DHRSX: variants seen among roughly 807,000 people sequenced by gnomAD.
The protein encoded by DHRSX is polyprenol dehydrogenase.
A neutral mutation model predicts 34.0 loss-of-function variants in DHRSX; 31 were observed. That is an observed-to-expected ratio of 0.91 (90% CI 0.69 to 1.23). DHRSX has a LOEUF of 1.23. Among genes scored for constraint, DHRSX ranks in the 50% most tolerant of loss-of-function variants. DHRSX has a pLI of 0.00. For synonymous variants in DHRSX, 201 were observed against 183.8 expected, an observed-to-expected ratio of 1.09 and a Z score of -0.76; for missense variants, 414 against 428.1, an observed-to-expected ratio of 0.97 and a Z score of 0.29.
chrX:2,320,249 C>A (rs1173389751), intron 3 of DHRSX, among the ~76,000 whole-genome samples: 2 of 132,734 alleles, frequency 1.5e-5, no homozygotes, highest in African/African-American at 5.5e-5. Flanking sequence ...TGGTAGCGAT[C>A]ATATGACCCA....
intron 1 of DHRSX, among the ~76,000 whole-genome samples, chrX:2,494,174 T>G (rs2045226978): frequency 6.6e-6 from 1 of 152,048 alleles, no homozygotes; most frequent in African/African-American, 2.4e-5. Flanking sequence ...GAAGTCCCAG[T>G]GCCTGGGGCC....
At chrX:2,350,120 C>T (rs764814841) in intron 3 of DHRSX, among the ~76,000 whole-genome samples, 1 of 152,106 alleles carries the variant, frequency 6.6e-6, no homozygotes, top group East Asian at 1.9e-4. Flanking sequence ...CTGAGGCAGG[C>T]AGATCACTTG....
At chrX:2,288,962 T>C (rs1249534653) in intron 4 of DHRSX, among the ~76,000 whole-genome samples, 1 of 152,144 alleles carries the variant, frequency 6.6e-6, no homozygotes, top group African/African-American at 2.4e-5. Flanking sequence ...AACGTGGTGG[T>C]TGAGTGATGG....
chrX:2,240,037 A>G (rs2016104609), intron 6 of DHRSX, among the ~76,000 whole-genome samples: 1 of 152,032 alleles, frequency 6.6e-6, no homozygotes, highest in African/African-American at 2.4e-5. Flanking sequence ...TCACGCCTGT[A>G]ATCCCATCAC....
intron 1 of DHRSX, among the ~76,000 whole-genome samples, chrX:2,431,216 T>G (rs762397338): frequency 2.0e-5 from 3 of 149,574 alleles, no homozygotes; most frequent in East Asian, 4.0e-4. Flanking sequence ...TCCCAGCTAC[T>G]CGGAAGGCTG....
chrX:2,309,544 T>C (rs1193566000), intron 3 of DHRSX, among the ~76,000 whole-genome samples: 1 of 152,186 alleles, frequency 6.6e-6, no homozygotes. Flanking sequence ...CTAGAATAAA[T>C]GTGATAAGTG....
At chrX:2,233,677 G>A (rs1400294756) in intron 6 of DHRSX, among the ~76,000 whole-genome samples, 1 of 152,070 alleles carries the variant, frequency 6.6e-6, no homozygotes, top group Admixed American at 6.6e-5. Context: ...AGCTCTTGGG[G>A]CAAAGGAAGA....
rs1556433590 is a variant in DHRSX at position 2,248,628 on chromosome X, A to AAAAAAAG, written c.597-5399_597-5398insCTTTTTT. 1.7e-3 allele frequency among the ~76,000 whole-genome samples: 179 copies of AAAAAAAG among 104,224 alleles called. 1 individual carries two copies. Among genetic ancestry groups the AAAAAAAG allele is most frequent in the Middle Eastern group, 4.1e-3 (1 of 244 alleles). The allele number at this position is 104,224 out of a possible 152,430, so 68.4% of individuals were successfully genotyped here. A position where few individuals can be genotyped will look rare whatever the true frequency, so the allele number is the denominator to read the frequency against. ...GACTCTGTCTCAAAAAAAAAAAAAG[A>AAAAAAAG]AAAAGAAAAGAAAAGAAAAAGAAAG... is the stretch of plus-strand genomic sequence containing the variant. On this transcript the variant is annotated intron_variant, in intron 5 of 6. Transcript: ENST00000334651.
chrX:2,457,999 A>T (rs1216436694), intron 1 of DHRSX, among the ~76,000 whole-genome samples: 1 of 151,830 alleles, frequency 6.6e-6, no homozygotes, highest in Admixed American at 6.6e-5. Context: ...GTGCACACTG[A>T]AGACGTTCCC....
At chrX:2,402,883 CTT>C (rs758977585) in intron 3 of DHRSX, among the ~76,000 whole-genome samples, 12 of 117,766 alleles carry the variant, frequency 1.0e-4, no homozygotes, top group Non-Finnish European at 1.1e-4. Flanking sequence ...TAATTGGTTT[CTT>C]TTTTTTTTTT....
At chrX:2,444,542 CAT>C (rs1295273529) in intron 1 of DHRSX, among the ~76,000 whole-genome samples, 4 of 152,150 alleles carry the variant, frequency 2.6e-5, no homozygotes, top group African/African-American at 4.8e-5. Flanking sequence ...CAATTACACA[CAT>C]GAGGGACTGG....
intron 1 of DHRSX, among the ~76,000 whole-genome samples, chrX:2,449,045 T>C (rs28606514): frequency 0.61 from 92,069 of 151,748 alleles, 29,208 homozygotes; most frequent in African/African-American, 0.8. Flanking sequence ...AAAAATTAGC[T>C]GGGTGTGGTG....
At chrX:2,378,931 C>G (rs1301610110) in intron 3 of DHRSX, among the ~76,000 whole-genome samples, 1 of 152,150 alleles carries the variant, frequency 6.6e-6, no homozygotes, top group Non-Finnish European at 1.5e-5. Flanking sequence ...CTCAACCTCC[C>G]AAAGTGTTAG....
chrX:2,395,601 C>T (rs2043399718), intron 3 of DHRSX, among the ~76,000 whole-genome samples: 1 of 152,106 alleles, frequency 6.6e-6, no homozygotes, highest in Non-Finnish European at 1.5e-5. Context: ...GTTCCCGTGA[C>T]TGCAAGGAAG....
At chrX:2,324,912 G>A (rs897735148) in intron 3 of DHRSX, among the ~76,000 whole-genome samples, 1 of 149,850 alleles carries the variant, frequency 6.7e-6, no homozygotes, top group Admixed American at 6.7e-5. Flanking sequence ...GGCATTATAG[G>A]TACGCACCAC....
chrX:2,243,801 T>TG (rs1569478883), intron 5 of DHRSX, among the ~76,000 whole-genome samples: 3 of 84,460 alleles, frequency 3.6e-5, no homozygotes, highest in African/African-American at 8.3e-5. Flanking sequence ...TTTTTTTTTT[T>TG]TTTTTTTTTT....
At chrX:2,482,550 C>T (rs907655559) in intron 1 of DHRSX, among the ~76,000 whole-genome samples, 3 of 152,140 alleles carry the variant, frequency 2.0e-5, no homozygotes, top group Admixed American at 2.0e-4. Flanking sequence ...CAGGTGTGAG[C>T]CATTGTGCCC....
chrX:2,448,416 T>C (rs1325725648), intron 1 of DHRSX, among the ~76,000 whole-genome samples: 1 of 152,146 alleles, frequency 6.6e-6, no homozygotes, highest in Non-Finnish European at 1.5e-5. Flanking sequence ...ACAGTGATCA[T>C]AGTTAATAAT....
At chrX:2,468,034 C>T (rs1393147121) in intron 1 of DHRSX, among the ~76,000 whole-genome samples, 5 of 151,984 alleles carry the variant, frequency 3.3e-5, no homozygotes, top group Non-Finnish European at 7.4e-5. Flanking sequence ...GAAGCCCCTT[C>T]CACCCTGGGC....
Sources: gnomAD v4.1 joint callset for allele counts (sites outside exome capture counted in the v4.1 genomes callset) on GRCh38, gnomAD v4.1.1 for gene constraint, MANE v1.5 for transcripts, NCBI Gene and HGNC (gene_info 2026-07-23, HGNC 2026-07-21) for gene names.